Variants in FYCO1 observed in about 807,000 individuals in gnomAD.
The protein encoded by FYCO1 is FYVE and coiled-coil domain autophagy adaptor 1.
A neutral mutation model predicts 165.1 loss-of-function variants in FYCO1; 122 were observed. That is an observed-to-expected ratio of 0.74 (90% CI 0.64 to 0.86). The LOEUF is 0.86. FYCO1 is among the 40% of genes least tolerant of loss of function. The pLI is 0.00. For synonymous variants in FYCO1, 648 were observed against 742.5 expected, an observed-to-expected ratio of 0.87 and a Z score of 2.07; for missense variants, 1,702 against 1,810.3, an observed-to-expected ratio of 0.94 and a Z score of 1.09.
chr3:45,933,346 C>G (rs1703725223), intron 15 of FYCO1, among the ~76,000 whole-genome samples: 1 of 152,154 alleles, frequency 6.6e-6, no homozygotes, highest in Non-Finnish European at 1.5e-5. Context: ...TGCTGTCACT[C>G]TCTTTGAAAG....
chr3:45,988,472 G>A (rs1173349869), intron 1 of FYCO1, among the ~76,000 whole-genome samples: 1 of 152,086 alleles, frequency 6.6e-6, no homozygotes, highest in East Asian at 1.9e-4. Flanking sequence ...TCCTAACTCA[G>A]GAGACACTCA....
Position 45,968,453 on chromosome 3 carries a change from A to C in FYCO1, c.881T>G (p.Leu294Trp). The change falls in exon 8 of 18, where the codon TTG becomes TGG. Residue 294 changes from leucine to tryptophan, a missense_variant. By Grantham distance (61) the Leu-to-Trp change is moderately conservative. Transcript: ENST00000296137. ...AAEDNVRLTC[L>W]VAELQKQWEV... Reference sequence around the variant, plus strand: ...CCACTGCTTCTGGAGCTCAGCTACCAAGCAAGTGAGGCGAACGTTGTCCTC... The same window carrying C: ...CCACTGCTTCTGGAGCTCAGCTACCCAGCAAGTGAGGCGAACGTTGTCCTC... 6.2e-7 allele frequency: 1 copy of C among 1,613,974 alleles called. No individual in the cohort carries two copies. The highest frequency in any genetic ancestry group is 8.5e-7 in the Non-Finnish European group (1 of 1,180,032).
intron 14 of FYCO1, among the ~76,000 whole-genome samples, chr3:45,953,291 T>C (rs1705130946): frequency 6.6e-6 from 1 of 152,142 alleles, no homozygotes; most frequent in Non-Finnish European, 1.5e-5. Context: ...AGGAGCATCA[T>C]AAAAAATGTC....
At chr3:45,943,394 G>T (rs1704364350) in intron 14 of FYCO1, 1 of 152,192 alleles carries the variant, frequency 6.6e-6, no homozygotes, top group African/African-American at 2.4e-5. Context: ...TGAAGGACGG[G>T]AGTAGGGGGT....
intron 2 of FYCO1, chr3:45,984,608 G>A: frequency 3.3e-6 from 2 of 612,270 alleles, no homozygotes; most frequent in Non-Finnish European, 5.9e-6. Flanking sequence ...CCCAGTCCTG[G>A]AGCCGGGTGT....
rs1174306087 is a variant in FYCO1 at position 45,968,015 on chromosome 3, T to A, written c.1319A>T (p.Asp440Val). The A allele has an allele frequency of 1.9e-6, 3 of 1,614,108 alleles. No homozygotes were observed. Among genetic ancestry groups the A allele is most frequent in the South Asian group, 1.1e-5 (1 of 91,078 alleles). The change falls in exon 8 of 18, where the codon GAT becomes GTT. Residue 440 changes from aspartate to valine, a missense_variant. Physicochemically the swap from Asp to Val is radical, Grantham distance 152. Coordinates refer to ENST00000296137, the MANE Select transcript of FYCO1 (RefSeq NM_024513.4). ...QLVKELQLKE[D>V]ARASLERLVK... Reference sequence around the variant, plus strand: ...CAGGCGCTCCAGGCTGGCCCGGGCATCCTCTTTCAGCTGAAGCTCCTTGAC... The same window carrying A: ...CAGGCGCTCCAGGCTGGCCCGGGCAACCTCTTTCAGCTGAAGCTCCTTGAC...
intron 15 of FYCO1, among the ~76,000 whole-genome samples, chr3:45,934,472 G>C (rs1703786711): frequency 6.6e-6 from 1 of 152,226 alleles, no homozygotes; most frequent in Non-Finnish European, 1.5e-5. Context: ...ATGGAGGCCA[G>C]AGGGAAGTAG....
At chr3:45,936,001 ATTTG>A (rs1235110537) in intron 15 of FYCO1, among the ~76,000 whole-genome samples, 3 of 151,722 alleles carry the variant, frequency 2.0e-5, no homozygotes, top group East Asian at 1.9e-4. Flanking sequence ...GATTTAGAAT[ATTTG>A]TTTGTGTCAA....
chr3:45,958,009 A>AAGGAAGAGCGAGCTTC (rs1345456994), intron 13 of FYCO1, among the ~76,000 whole-genome samples: 10 of 152,224 alleles, frequency 6.6e-5, no homozygotes, highest in Non-Finnish European at 1.2e-4. Flanking sequence ...CTTGGACATG[A>AAGGAAGAGCGAGCTTC]AGGAAGAGCG....
chr3:45,977,350 AATATATATATATATATATATATATATAT>A (rs57543574), intron 4 of FYCO1, among the ~76,000 whole-genome samples: 8,210 of 112,596 alleles, frequency 0.073, 555 homozygotes, highest in Middle Eastern at 0.22. Context: ...AACTGAATTA[AATATATATATATATATATATATATATAT>A]ATATATATAT....
intron 1 of FYCO1, among the ~76,000 whole-genome samples, chr3:45,987,786 C>A (rs763990331): frequency 6.6e-6 from 1 of 152,206 alleles, no homozygotes; most frequent in Non-Finnish European, 1.5e-5. Context: ...GTAACTCATC[C>A]GGGCTGCGGC....
chr3:45,925,302 C>A lies in FYCO1; in HGVS notation c.4252-1537G>T, dbSNP rs186999309. Among the ~76,000 whole-genome samples, 291 of 151,754 alleles carry A rather than the reference C, an allele frequency of 1.9e-3. 1 individual carries two copies. The highest frequency in any genetic ancestry group is 6.8e-3 in the African/African-American group (283 of 41,366). On this transcript the variant is annotated intron_variant, in intron 16 of 17. Transcript: ENST00000296137. Reference sequence around the variant, plus strand: ...GTCTTATAAAGTGTCCCTAAGCCTTCCATTTAAGACTGACTACACATAAAT... The same window carrying A: ...GTCTTATAAAGTGTCCCTAAGCCTTACATTTAAGACTGACTACACATAAAT...
chr3:45,984,788 G>T, intron 2 of FYCO1, 68 bp downstream of exon 2: 1 of 1,512,394 alleles, frequency 6.6e-7, no homozygotes, highest in Non-Finnish European at 9.2e-7. Flanking sequence ...ATTTCAACTG[G>T]CAACAGCAAA....
chr3:45,927,878 AG>A (rs1396078220), intron 16 of FYCO1, among the ~76,000 whole-genome samples: 2 of 152,256 alleles, frequency 1.3e-5, no homozygotes. Context: ...CTTGATTACA[AG>A]CAACATCAAG....
chr3:45,981,541 A>G (rs1334688577), intron 3 of FYCO1, 29 bp downstream of exon 3: 2 of 1,392,356 alleles, frequency 1.4e-6, no homozygotes, highest in Middle Eastern at 1.8e-4. Context: ...TACCAGTGCA[A>G]AAATCAACAC....
intron 5 of FYCO1, among the ~76,000 whole-genome samples, chr3:45,974,562 A>T (rs1706625534): frequency 6.6e-6 from 1 of 152,134 alleles, no homozygotes; most frequent in Admixed American, 6.5e-5. Context: ...AGTTTTTTTT[A>T]GATTCAAAAA....
intron 14 of FYCO1, chr3:45,946,659 C>T (rs774910249): frequency 6.2e-7 from 1 of 1,614,190 alleles, no homozygotes; most frequent in Non-Finnish European, 8.5e-7. Flanking sequence ...CATCTTCTAC[C>T]ATAAGTTGCA....
intron 14 of FYCO1, among the ~76,000 whole-genome samples, chr3:45,954,619 T>C (rs1460463618): frequency 6.6e-6 from 1 of 152,190 alleles, no homozygotes; most frequent in African/African-American, 2.4e-5. Context: ...GCCCCAATTA[T>C]TCACATGCTG....
chr3:45,923,801 A>C, intron 16 of FYCO1, 36 bp from the exon 17 acceptor site: 3 of 1,376,084 alleles, frequency 2.2e-6, no homozygotes, highest in Non-Finnish European at 3.1e-6. Context: ...AACATCACAG[A>C]GGCTGAGAGG....
Sources: allele counts gnomAD v4.1 joint callset (sites outside exome capture counted in the v4.1 genomes callset), GRCh38; gene constraint gnomAD v4.1.1; transcripts MANE v1.5; gene names NCBI Gene and HGNC (gene_info 2026-07-23, HGNC 2026-07-21).